GTSE1: variants seen among roughly 807,000 people sequenced by gnomAD.
The protein encoded by GTSE1 is G2 and S-phase expressed 1, also known as G2 and S phase-expressed protein 1.
A neutral mutation model predicts 60.5 loss-of-function variants in GTSE1; 52 were observed. That is an observed-to-expected ratio of 0.86 (90% CI 0.69 to 1.08). The LOEUF is 1.08. GTSE1 is among the 50% of genes least tolerant of loss of function. The pLI is 0.00. For synonymous variants in GTSE1, 368 were observed against 386.5 expected (o/e 0.95, Z 0.56); for missense variants, 937 against 961.8 (o/e 0.97, Z 0.34).
intron 9 of GTSE1, 127 bp downstream of exon 9, chr22:46,326,781 GT>G (rs374342323): frequency 6.3e-4 from 338 of 538,462 alleles, no homozygotes; most frequent in South Asian, 1.1e-3. Context: ...AAGTTTGTTT[GT>G]TTTTTTTTTC....
chr22:46,307,148 C>G (rs1327587205), intron 2 of GTSE1, among the ~76,000 whole-genome samples: 1 of 152,130 alleles, frequency 6.6e-6, no homozygotes, highest in African/African-American at 2.4e-5. Context: ...CAGGGCCATG[C>G]CAGCTGTGAT....
At position 46,330,180 on chromosome 22, in the gene GTSE1, A is replaced by G. The variant is rs748182668; in HGVS notation, c.*50A>G. The G allele has an allele frequency of 2.7e-6, 3 of 1,095,526 alleles. No individual in the cohort carries two copies. Among genetic ancestry groups the G allele is most frequent in the African/African-American group, 3.1e-5 (2 of 65,152 alleles). 67.9% of individuals were successfully genotyped at this position (1,095,526 alleles called of 1,614,324 possible). A position where few individuals can be genotyped will look rare whatever the true frequency, so the allele number is the denominator to read the frequency against. On this transcript the variant is annotated 3_prime_UTR_variant, in exon 12 of 12. Coordinates refer to ENST00000454366, the MANE Select transcript of GTSE1 (RefSeq NM_016426.7). The surrounding 1 kb of genome is among the most constrained non-coding windows in gnomAD (Gnocchi z 6.0). ...AAGAACAGCCCTAAAGTGGTTTTCA[A>G]CCCTCAGAAACAAGCTTTAGGCTGG...
Position 46,320,120 on chromosome 22 carries a change from G to C in GTSE1, c.1433-3070G>C, listed in dbSNP as rs897167255. ...CTTCCCTTCTGCCTGAATGCCTGGA[G>C]CCAGGACATGCGTCTGCCATGTCTC... On this transcript the variant is annotated intron_variant, in intron 7 of 11. Coordinates refer to ENST00000454366, the MANE Select transcript of GTSE1 (RefSeq NM_016426.7). The surrounding 1 kb of genome is among the most constrained non-coding windows in gnomAD (Gnocchi z 7.1). 6.6e-6 allele frequency among the ~76,000 whole-genome samples: 1 copy of C among 152,168 alleles called. No individual in the cohort carries two copies. The highest frequency in any genetic ancestry group is 1.5e-5 in the Non-Finnish European group (1 of 68,034).
chr22:46,323,874 A>G (rs2077828632), intron 8 of GTSE1, among the ~76,000 whole-genome samples: 1 of 151,122 alleles, frequency 6.6e-6, no homozygotes, highest in African/African-American at 2.4e-5. Context: ...TATTTTTTTT[A>G]GTAGAGATGG....
At position 46,313,984 on chromosome 22, in the gene GTSE1, G is replaced by A. The variant is rs6008622; in HGVS notation, c.1022G>A (p.Ser341Asn). The change falls in exon 6 of 12, where the codon AGT (serine) becomes AAT (asparagine). Residue 341 changes from serine (S) to asparagine (N), a missense_variant. Ser to Asn is a conservative substitution (Grantham distance 46). Transcript: ENST00000454366. The surrounding 1 kb of genome is among the most constrained non-coding windows in gnomAD (Gnocchi z 4.4). ...SSGPVWSGAS[S>N]ACTSPAVGKA... ...GGGCCTGTTTGGAGCGGGGCATCCA[G>A]TGCGTGCACATCCCCAGCAGTGGGC... 0.11 allele frequency: 171,423 copies of A among 1,613,924 alleles called. 11,014 individuals are homozygous for A. The highest frequency in any genetic ancestry group is 0.29 in the African/African-American group (21,784 of 75,000).
At chr22:46,306,647 A>G (rs2077717175) in intron 2 of GTSE1, among the ~76,000 whole-genome samples, 1 of 151,528 alleles carries the variant, frequency 6.6e-6, no homozygotes. Flanking sequence ...CGCTCGGCTA[A>G]TTTTTTTATT....
Position 46,308,920 on chromosome 22 carries a change from A to T in GTSE1, c.739A>T (p.Ser247Cys), listed in dbSNP as rs2147818030. The change falls in exon 4 of 12, where the codon AGC (serine) becomes TGC (cysteine). Residue 247 changes from serine to cysteine, a missense_variant. Transcript: ENST00000454366. ...LPRAASVRGR[S>C]IPGAAEKPKK... The stretch of plus-strand genomic sequence containing the variant: ...TCGAGCGGCCTCTGTTAGAGGAAGA[A>T]GCATCCCTGGGGCTGCGGAGAAGGT... The T allele has an allele frequency of 6.2e-7, 1 of 1,612,128 alleles. No individual in the cohort carries two copies. The highest frequency in any genetic ancestry group is 1.7e-5 in the Admixed American group (1 of 59,988).
In GTSE1 at chr22:46,330,451, C is replaced by A; in HGVS notation, c.*321C>A. The A allele has an allele frequency of 4.7e-6, 1 of 213,740 alleles. No homozygotes were observed. Among genetic ancestry groups the A allele is most frequent in the South Asian group, 1.3e-4 (1 of 7,534 alleles). The allele number at this position is 213,740 out of a possible 1,614,324, so 13.2% of individuals were successfully genotyped here. ...TGGGCTGTGATTGTGCCACTGCACT[C>A]CAGCCTGGGCACCAATGTGAGAACC... On this transcript the variant is annotated 3_prime_UTR_variant, in exon 12 of 12. Transcript: ENST00000454366. This position sits in a 1 kb window ranked among gnomAD's most constrained non-coding sequence, Gnocchi z 6.0.
At position 46,310,834 on chromosome 22, in the gene GTSE1, G is replaced by T. The variant is rs1445265224; in HGVS notation, c.763-1307G>T. ...AATCCCAGCTACTTGGGAGGCTGAG[G>T]CAGGAGAATCGCCTGAACCCAGGAG... On this transcript the variant is annotated intron_variant, in intron 4 of 11. Transcript: ENST00000454366. The surrounding 1 kb of genome is among the most constrained non-coding windows in gnomAD (Gnocchi z 4.4). 2.0e-5 allele frequency among the ~76,000 whole-genome samples: 3 copies of T among 152,190 alleles called. No homozygotes were observed. Among genetic ancestry groups the T allele is most frequent in the Non-Finnish European group, 4.4e-5 (3 of 68,026 alleles).
At position 46,312,219 on chromosome 22, in the gene GTSE1, G is replaced by T. The variant is rs781739534; in HGVS notation, c.841G>T (p.Asp281Tyr). The T allele has an allele frequency of 6.2e-7, 1 of 1,614,160 alleles. No individual in the cohort carries two copies. The highest frequency in any genetic ancestry group is 1.1e-5 in the South Asian group (1 of 91,080). The change falls in exon 5 of 12, where the codon GAC becomes TAC. Residue 281 changes from aspartate to tyrosine, a missense_variant. Physicochemically the swap from Asp to Tyr is radical, Grantham distance 160 (BLOSUM62 -3). Transcript: ENST00000454366. ...EKESHRDVLP[D>Y]KPAPGAVNVP... ...GGAATCCCACCGGGATGTTCTCCCTGACAAACCTGCCCCGGGTGCTGTCAA... is the reference window on the plus strand; with the variant it reads ...GGAATCCCACCGGGATGTTCTCCCTTACAAACCTGCCCCGGGTGCTGTCAA...
At position 46,326,453 on chromosome 22, in the gene GTSE1, C is replaced by T. The variant is rs2077844303; in HGVS notation, c.1523C>T (p.Thr508Ile). The T allele has an allele frequency of 5.6e-6, 9 of 1,607,312 alleles. No homozygotes were observed. Among genetic ancestry groups the T allele is most frequent in the Non-Finnish European group, 7.7e-6 (9 of 1,174,648 alleles). ...TTTGCCAGGGTCACTGTCCACAGCA[C>T]CCCGGTTAGACGCTCATCTGGGCCA... The part of the protein sequence containing the change: ...TSVGRVTVHS[T>I]PVRRSSGPAP... Residue 508 changes from threonine to isoleucine, a missense_variant, in exon 9 of 12, where the codon ACC (threonine) becomes ATC (isoleucine). By Grantham distance (89) the Thr-to-Ile change is moderately conservative. Coordinates refer to ENST00000454366, the MANE Select transcript of GTSE1 (RefSeq NM_016426.7).
rs1601905674 is a variant in GTSE1, at chr22:46,310,106, T to C, written c.762+1163T>C. Among the ~76,000 whole-genome samples, 1 of 152,326 alleles carries C rather than the reference T, an allele frequency of 6.6e-6. No homozygotes were observed. The highest frequency in any genetic ancestry group is 1.9e-4 in the East Asian group (1 of 5,172). On this transcript the variant is annotated intron_variant, in intron 4 of 11. Coordinates refer to ENST00000454366, the MANE Select transcript of GTSE1 (RefSeq NM_016426.7). This position sits in a 1 kb window ranked among gnomAD's most constrained non-coding sequence, Gnocchi z 4.4. ...TCATGCACACGTGGGAGCCCCACCA[T>C]GTCCTGCATGTTTCTCTGGGAGAAG...
intron 7 of GTSE1, 110 bp from the exon 8 acceptor site, chr22:46,323,080 G>T (rs999228624): frequency 3.8e-6 from 3 of 790,048 alleles, no homozygotes; most frequent in Non-Finnish European, 6.9e-6. Context: ...CTACACTCAA[G>T]TTGGGACAGT....
chr22:46,316,631 T>G lies in GTSE1; in HGVS notation c.1432+219T>G, dbSNP rs188351653. 9.8e-5 allele frequency among the ~76,000 whole-genome samples: 15 copies of G among 152,314 alleles called. 1 individual carries two copies. The highest frequency in any genetic ancestry group is 9.8e-4 in the Admixed American group (15 of 15,294). On this transcript the variant is annotated intron_variant, in intron 7 of 11. Coordinates refer to ENST00000454366, the MANE Select transcript of GTSE1 (RefSeq NM_016426.7). The surrounding 1 kb of genome is among the most constrained non-coding windows in gnomAD (Gnocchi z 5.0). ...CGTTCCTGTGTGTGTGACACCCCAATGCTCGTAGGCTGCTTGTAAGGTTTT... is the reference window on the plus strand; with the variant it reads ...CGTTCCTGTGTGTGTGACACCCCAAGGCTCGTAGGCTGCTTGTAAGGTTTT...
Position 46,329,345 on chromosome 22 carries a change from G to A in GTSE1, c.1927-13G>A. 3 of 1,607,350 alleles carry A rather than the reference G, an allele frequency of 1.9e-6. No homozygotes were observed. The highest frequency in any genetic ancestry group is 2.6e-6 in the Non-Finnish European group (3 of 1,174,034). On this transcript the variant is annotated splice_polypyrimidine_tract_variant and intron_variant, in intron 10 of 11. Transcript: ENST00000454366. The surrounding 1 kb of genome is among the most constrained non-coding windows in gnomAD (Gnocchi z 6.4). ...ATGCTGGACTCTGCTCTTAACCTTG[G>A]TTTTGTACCCAGGCTCTTCTTGTAG...
Position 46,297,381 on chromosome 22 carries a change from G to T in GTSE1, c.-20G>T. ...TTCTGGCCCCGTTCCACCCTGCAGT[G>T]ACTTCTGACAGCTCTCTCCATGGAA... On this transcript the variant is annotated splice_region_variant and 5_prime_UTR_variant, in exon 2 of 12. Coordinates refer to ENST00000454366, the MANE Select transcript of GTSE1 (RefSeq NM_016426.7). The surrounding 1 kb of genome is among the most constrained non-coding windows in gnomAD (Gnocchi z 4.9). The T allele has an allele frequency of 6.3e-7, 1 of 1,589,740 alleles. No homozygotes were observed. The highest frequency in any genetic ancestry group is 1.1e-5 in the South Asian group (1 of 90,536).
rs757655045 is a variant in GTSE1 at position 46,328,851 on chromosome 22, G to C, written c.1888G>C (p.Glu630Gln). ...SKSTATEVAR[E>Q]EAKPGGDAAP... ...AAGTACTGCCACAGAAGTAGCTCGG[G>C]AGGAAGCCAAGCCGGGTGGAGATGC... is the stretch of plus-strand genomic sequence containing the variant. The change falls in exon 10 of 12, where the codon GAG (glutamate) becomes CAG (glutamine). Residue 630 changes from glutamate to glutamine, a missense_variant. Coordinates refer to ENST00000454366, the MANE Select transcript of GTSE1 (RefSeq NM_016426.7). 3.1e-6 allele frequency: 5 copies of C among 1,614,008 alleles called. No homozygotes were observed. The South Asian group carries it at 5.5e-5, about 18-fold the overall frequency.
chr22:46,300,753 G>C lies in GTSE1; in HGVS notation c.79+3274G>C, dbSNP rs2077685073. Among the ~76,000 whole-genome samples, 4 of 152,304 alleles carry C rather than the reference G, an allele frequency of 2.6e-5. No individual in the cohort carries two copies. The South Asian group carries it at 8.3e-4, about 32-fold the overall frequency. On this transcript the variant is annotated intron_variant, in intron 2 of 11. Transcript: ENST00000454366. ...CCCTCGGAGCCAGTCACAGAGCCTG[G>C]AGCAGAAGACTGCTTCCCTGAGTTC... is the stretch of plus-strand genomic sequence containing the variant.
Position 46,308,382 on chromosome 22 carries a change from C to G in GTSE1, c.201C>G (p.Ala67=), listed in dbSNP as rs1212344946. The change falls in exon 4 of 12, where the codon GCC becomes GCG. Residue 67 remains alanine, a synonymous_variant. Coordinates refer to ENST00000454366, the MANE Select transcript of GTSE1 (RefSeq NM_016426.7). ...GACATAAAGAAAGATGTATTGCTGC[C>G]AGCTTGGAATTAAATAATCCGGTTC... ...PFGHKERCIA[A]SLELNNPVPE... 1.9e-6 allele frequency: 3 copies of G among 1,614,016 alleles called. No individual in the cohort carries two copies. Among genetic ancestry groups the G allele is most frequent in the Non-Finnish European group, 2.5e-6 (3 of 1,179,916 alleles).
Sources: allele counts gnomAD v4.1 joint callset (sites outside exome capture counted in the v4.1 genomes callset), GRCh38; gene constraint gnomAD v4.1.1; non-coding constraint Gnocchi (gnomAD v3.1); transcripts MANE v1.5; gene names NCBI Gene and HGNC (gene_info 2026-07-23, HGNC 2026-07-21).